ACSL3: variants seen among roughly 807,000 people sequenced by gnomAD.
ACSL3 encodes the protein acyl-CoA synthetase long chain family member 3.
In ACSL3, 34 loss-of-function variants were observed where a neutral mutation model predicts 84.7. That is an observed-to-expected ratio of 0.40 (90% confidence interval 0.31 to 0.53). The LOEUF (loss-of-function observed/expected upper bound fraction) is 0.53, where lower values mean the gene tolerates loss of function less well. ACSL3 is among the 20% of genes least tolerant of loss of function. The pLI is 0.48. For synonymous variants in ACSL3, 315 were observed against 299.4 expected, an observed-to-expected ratio of 1.05 and a Z score of -0.54; for missense variants, 680 against 873.1, an observed-to-expected ratio of 0.78 and a Z score of 2.79.
chr2:222,896,935 C>T lies in ACSL3; in HGVS notation c.-147-3739C>T, dbSNP rs1696006918. On this transcript the variant is annotated intron_variant, in intron 2 of 16. Transcript: ENST00000357430. ...CTGGCCAGGCAGGGGGCTGACCCCC[C>T]TCCCCCCTCCCGGACTGGGCGGCTG... Among the ~76,000 whole-genome samples the T allele has an allele frequency of 1.1e-4, 2 of 18,810 alleles. 1 individual carries two copies. The highest frequency in any genetic ancestry group is 1.1e-3 in the Admixed American group (2 of 1,866). 12.3% of individuals were successfully genotyped at this position (18,810 alleles called of 152,430 possible). A position where few individuals can be genotyped will look rare whatever the true frequency, so the allele number is the denominator to read the frequency against.
At chr2:222,931,517 T>G (rs1697030647) in intron 14 of ACSL3, among the ~76,000 whole-genome samples, 1 of 152,218 alleles carries the variant, frequency 6.6e-6, no homozygotes, top group Non-Finnish European at 1.5e-5. Context: ...CATGCCTATT[T>G]TATATCCCAC....
chr2:222,869,377 C>CT (rs759346065), intron 1 of ACSL3, among the ~76,000 whole-genome samples: 35 of 152,258 alleles, frequency 2.3e-4, no homozygotes, highest in Non-Finnish European at 2.9e-4. Flanking sequence ...TTGTAACTTC[C>CT]TTTTTTTCTG....
chr2:222,921,201 TTGA>T, intron 7 of ACSL3, 76 bp from the exon 8 acceptor site: 2 of 1,455,726 alleles, frequency 1.4e-6, no homozygotes, highest in South Asian at 2.5e-5. Flanking sequence ...AGTTATTTAT[TTGA>T]TGATAATGAA....
At chr2:222,886,571 C>G (rs781617486) in intron 1 of ACSL3, among the ~76,000 whole-genome samples, 1 of 152,120 alleles carries the variant, frequency 6.6e-6, no homozygotes, top group Non-Finnish European at 1.5e-5. Context: ...TGACTGCTAA[C>G]CTGTTTGCTT....
chr2:222,927,000 C>CT lies in ACSL3; in HGVS notation c.1293-16dup, dbSNP rs1309249450. 4.4e-6 allele frequency: 7 copies of CT among 1,606,662 alleles called. No individual in the cohort carries two copies. Among genetic ancestry groups the CT allele is most frequent in the Non-Finnish European group, 6.0e-6 (7 of 1,174,424 alleles). On this transcript the variant is annotated splice_polypyrimidine_tract_variant and intron_variant, in intron 11 of 16. Transcript: ENST00000357430. ...TTCAGTTTTAAAATCCTGTGGTTCT[C>CT]TAATTTTTTTCTTTAGCTTTGTTTT...
At chr2:222,884,944 A>T (rs1421932920) in intron 1 of ACSL3, among the ~76,000 whole-genome samples, 1 of 152,198 alleles carries the variant, frequency 6.6e-6, no homozygotes, top group Admixed American at 6.5e-5. Flanking sequence ...AAAAGGCTGC[A>T]ATTGCCTGTT....
rs186045103 is a variant in ACSL3, at chr2:222,905,525, G to C, written c.-40-3208G>C. Among the ~76,000 whole-genome samples, 402 of 152,210 alleles carry C rather than the reference G, an allele frequency of 2.6e-3. 2 individuals carry two copies. Among genetic ancestry groups the C allele is most frequent in the African/African-American group, 9.2e-3 (384 of 41,530 alleles). On this transcript the variant is annotated intron_variant, in intron 3 of 16. Transcript: ENST00000357430. ...AAATTTTAGTGAGAGAACTTAGTTG[G>C]ATAACATCTTTCTTCTGGGTTATTA... is the stretch of plus-strand genomic sequence containing the variant.
intron 8 of ACSL3, among the ~76,000 whole-genome samples, chr2:222,921,992 A>AACAT (rs1344680619): frequency 1.7e-4 from 26 of 152,306 alleles, no homozygotes; most frequent in Admixed American, 1.7e-3. Flanking sequence ...AGAAATTACA[A>AACAT]ACATACACGC....
At chr2:222,906,825 G>C (rs1696305785) in intron 3 of ACSL3, among the ~76,000 whole-genome samples, 1 of 152,142 alleles carries the variant, frequency 6.6e-6, no homozygotes, top group African/African-American at 2.4e-5. Context: ...GTGTTGGCCA[G>C]GATGGTCTCG....
At chr2:222,906,042 T>C (rs778415583) in intron 3 of ACSL3, among the ~76,000 whole-genome samples, 14 of 152,218 alleles carry the variant, frequency 9.2e-5, no homozygotes, top group Admixed American at 2.6e-4. Flanking sequence ...TTTGCATGCC[T>C]CATGATTTTG....
chr2:222,923,268 T>C, intron 10 of ACSL3, 119 bp downstream of exon 10: 1 of 828,488 alleles, frequency 1.2e-6, no homozygotes. Flanking sequence ...TATTCCTTAT[T>C]GATTATAAAT....
At chr2:222,882,647 C>T (rs1158087069) in intron 1 of ACSL3, among the ~76,000 whole-genome samples, 6 of 152,056 alleles carry the variant, frequency 3.9e-5, no homozygotes, top group African/African-American at 1.4e-4. Flanking sequence ...GTAATACTTG[C>T]TCACCTGCTG....
chr2:222,941,445 T>C, intron 16 of ACSL3, 52 bp from the exon 17 acceptor site: 2 of 1,494,274 alleles, frequency 1.3e-6, no homozygotes, highest in East Asian at 2.3e-5. Context: ...TTACACCATT[T>C]GCTAAGAACT....
At chr2:222,937,818 A>G (rs1050744020) in intron 16 of ACSL3, among the ~76,000 whole-genome samples, 1 of 152,092 alleles carries the variant, frequency 6.6e-6, no homozygotes, top group African/African-American at 2.4e-5. Flanking sequence ...AAGACTTTTC[A>G]TACCTATTTC....
chr2:222,894,784 C>T (rs959905551), intron 2 of ACSL3, among the ~76,000 whole-genome samples: 6 of 152,290 alleles, frequency 3.9e-5, no homozygotes, highest in South Asian at 2.1e-4. Flanking sequence ...TCTTCTAGGT[C>T]AATGCATGTA....
rs138623260 is a variant in ACSL3 at position 222,883,662 on chromosome 2, C to T, written c.-206-4168C>T. Reference sequence around the variant, plus strand: ...ATATTGCAGTGTGCTTTAGGAATTTCTGCTTGCAAAATGCTTCAGGAATTT... The same window carrying T: ...ATATTGCAGTGTGCTTTAGGAATTTTTGCTTGCAAAATGCTTCAGGAATTT... On this transcript the variant is annotated intron_variant, in intron 1 of 16. Transcript: ENST00000357430. Among the ~76,000 whole-genome samples the T allele has an allele frequency of 4.0e-5, 6 of 150,984 alleles. No individual in the cohort carries two copies. The East Asian group carries it at 1.2e-3, about 30-fold the overall frequency.
At chr2:222,887,362 A>G (rs1334378518) in intron 1 of ACSL3, among the ~76,000 whole-genome samples, 2 of 152,210 alleles carry the variant, frequency 1.3e-5, no homozygotes, top group Non-Finnish European at 2.9e-5. Flanking sequence ...AGCTTTTGGC[A>G]ATTATGAATC....
intron 2 of ACSL3, among the ~76,000 whole-genome samples, chr2:222,894,719 A>T (rs974884181): frequency 2.6e-5 from 4 of 151,844 alleles, no homozygotes; most frequent in African/African-American, 9.7e-5. Context: ...GTCAGGCATG[A>T]AGCCAGGCAT....
chr2:222,919,237 T>C (rs767553888), intron 7 of ACSL3, 35 bp downstream of exon 7: 1 of 1,605,974 alleles, frequency 6.2e-7, no homozygotes, highest in Non-Finnish European at 8.5e-7. Context: ...TACCTGTGCT[T>C]TCTGGTGACC....
Sources: gnomAD v4.1 joint callset for allele counts (sites outside exome capture counted in the v4.1 genomes callset) on GRCh38, gnomAD v4.1.1 for gene constraint, MANE v1.5 for transcripts, NCBI Gene and HGNC (gene_info 2026-07-23, HGNC 2026-07-21) for gene names.